EDC3: variants seen among roughly 807,000 people sequenced by gnomAD.
EDC3 encodes enhancer of mRNA-decapping protein 3.
Under a neutral mutation model 41.8 loss-of-function variants are expected in EDC3, and 20 were observed. That is an observed-to-expected ratio of 0.48 (90% CI 0.34 to 0.70). The LOEUF (loss-of-function observed/expected upper bound fraction) is 0.70, where lower values mean the gene tolerates loss of function less well. EDC3 is among the 30% of genes least tolerant of loss of function. The pLI is 0.01. For synonymous variants in EDC3, 206 were observed against 243.2 expected (o/e 0.85, Z 1.42); for missense variants, 444 against 636.8 (o/e 0.70, Z 3.26).
chr15:74,675,312 A>G (rs2062790899), intron 1 of EDC3, among the ~76,000 whole-genome samples, 170 bp from the exon 2 acceptor site: 2 of 152,098 alleles, frequency 1.3e-5, no homozygotes, highest in Admixed American at 1.3e-4. Context: ...TTTCAGGAGT[A>G]TGAATATTAA....
chr15:74,662,635 TG>T (rs1485848577), intron 3 of EDC3, among the ~76,000 whole-genome samples: 1 of 152,052 alleles, frequency 6.6e-6, no homozygotes, highest in African/African-American at 2.4e-5. Context: ...AGGGCTTCAG[TG>T]GAAAAACTTC....
At chr15:74,661,069 A>G (rs1301725731) in intron 3 of EDC3, among the ~76,000 whole-genome samples, 1 of 152,244 alleles carries the variant, frequency 6.6e-6, no homozygotes. Context: ...AACCATGCCA[A>G]TTTTTAACTA....
intron 2 of EDC3, 33 bp downstream of exon 2, chr15:74,674,928 G>C (rs759451597): frequency 1.2e-6 from 2 of 1,612,548 alleles, no homozygotes; most frequent in Non-Finnish European, 1.7e-6. Flanking sequence ...AGACCACCAG[G>C]TTGGATTCAG....
In EDC3 at chr15:74,632,265, C is replaced by A; in HGVS notation, c.*347G>T. 1 of 323,490 alleles carries A rather than the reference C, an allele frequency of 3.1e-6. No homozygotes were observed. Among genetic ancestry groups the A allele is most frequent in the Non-Finnish European group, 5.8e-6 (1 of 171,022 alleles). The allele number at this position is 323,490 out of a possible 1,614,324, so 20.0% of individuals were successfully genotyped here. ...AGGCCCCCAGACAGGACCTGGCCCA[C>A]TCTTCAATGTGTGTGCCCAGGCCCA... On this transcript the variant is annotated 3_prime_UTR_variant, in exon 7 of 7. Coordinates refer to ENST00000315127, the MANE Select transcript of EDC3 (RefSeq NM_025083.5). The surrounding 1 kb of genome is among the most constrained non-coding windows in gnomAD (Gnocchi z 4.0).
chr15:74,673,764 C>T (rs540503304), intron 2 of EDC3, among the ~76,000 whole-genome samples: 4 of 149,790 alleles, frequency 2.7e-5, no homozygotes, highest in South Asian at 4.2e-4. Context: ...GGCATGAACC[C>T]GGGAGATGGA....
chr15:74,691,068 C>A (rs192452262), intron 1 of EDC3, among the ~76,000 whole-genome samples: 59 of 150,094 alleles, frequency 3.9e-4, no homozygotes, highest in Non-Finnish European at 7.1e-4. Context: ...TGTTGGGAGG[C>A]GGAGGTTGCA....
chr15:74,663,829 T>TGTTG (rs2062649252), intron 3 of EDC3, among the ~76,000 whole-genome samples: 1 of 152,088 alleles, frequency 6.6e-6, no homozygotes, highest in African/African-American at 2.4e-5. Flanking sequence ...GTTCACAGCA[T>TGTTG]GTTGACAAAG....
chr15:74,675,189 C>T, intron 1 of EDC3, 47 bp from the exon 2 acceptor site: 1 of 1,567,190 alleles, frequency 6.4e-7, no homozygotes, highest in Non-Finnish European at 8.7e-7. Flanking sequence ...AAAAGACAAA[C>T]TTTTAATTAA....
At position 74,640,589 on chromosome 15, in the gene EDC3, T is replaced by C. The variant is rs527562998; in HGVS notation, c.851A>G (p.Tyr284Cys). 9.9e-6 allele frequency: 16 copies of C among 1,614,108 alleles called. No homozygotes were observed. The highest frequency in any genetic ancestry group is 6.7e-5 in the African/African-American group (5 of 75,004). ...DSGLVVPSIS[Y>C]ELHKKLLSVA... Reference sequence around the variant, plus strand: ...GGACAACAGCTTTTTATGCAGCTCATAGGAAATACTTGGGACAACCAGGCC... The same window carrying C: ...GGACAACAGCTTTTTATGCAGCTCACAGGAAATACTTGGGACAACCAGGCC... The change falls in exon 5 of 7, where the codon TAT (tyrosine) becomes TGT (cysteine). Residue 284 changes from tyrosine to cysteine, a missense_variant. Around this residue, in one of 3 missense-constraint regions of EDC3, gnomAD observed 242 missense variants for 363.8 expected, o/e 0.67. Coordinates refer to ENST00000315127, the MANE Select transcript of EDC3 (RefSeq NM_025083.5).
In EDC3 at chr15:74,635,589, C is replaced by T. The variant is rs1298704926; in HGVS notation, c.1012G>A (p.Ala338Thr). The T allele has an allele frequency of 1.9e-6, 3 of 1,613,940 alleles. No homozygotes were observed. In the East Asian group the frequency reaches 6.7e-5, roughly 36 times the overall value. Reference protein sequence around the residue: ...PKNVHQRPTVALLCGPHVKGA... With the variant: ...PKNVHQRPTVTLLCGPHVKGA... ...TTCACATGAGGTCCACACAGTAGAG[C>T]CACTGTAGGCCTCTGGTGAACATTT... is the stretch of plus-strand genomic sequence containing the variant. The change falls in exon 6 of 7, where the codon GCT becomes ACT. Residue 338 changes from alanine to threonine, a missense_variant. Ala to Thr is a moderately conservative substitution (Grantham distance 58). Coordinates refer to ENST00000315127, the MANE Select transcript of EDC3 (RefSeq NM_025083.5).
At position 74,655,899 on chromosome 15, in the gene EDC3, C is replaced by T. The variant is rs2062542414; in HGVS notation, c.654G>A (p.Val218=). 1.2e-6 allele frequency: 2 copies of T among 1,614,118 alleles called. No homozygotes were observed. The highest frequency in any genetic ancestry group is 1.7e-6 in the Non-Finnish European group (2 of 1,180,024). Residue 218 remains valine, a synonymous_variant, in exon 4 of 7, where the codon GTG becomes GTA. Transcript: ENST00000315127. ...GNLALFDKAA[V]FEEIDTYERR... The stretch of plus-strand genomic sequence containing the variant: ...TTTCATAGGTATCAATCTCCTCAAA[C>T]ACAGCTGCCTTGTCAAAAAGAGCCA...
At chr15:74,652,217 TTCTTA>T (rs1323188495) in intron 4 of EDC3, among the ~76,000 whole-genome samples, 1 of 152,002 alleles carries the variant, frequency 6.6e-6, no homozygotes, top group Middle Eastern at 3.2e-3. Context: ...TGCCCTTCTC[TTCTTA>T]TATTTTTCCT....
chr15:74,674,212 T>C (rs548602191), intron 2 of EDC3, among the ~76,000 whole-genome samples: 2 of 152,304 alleles, frequency 1.3e-5, no homozygotes, highest in African/African-American at 4.8e-5. Context: ...TCAAGTGATC[T>C]TCCTGTCTGA....
intron 5 of EDC3, chr15:74,636,058 G>A (rs1292065474): frequency 5.8e-6 from 1 of 171,480 alleles, no homozygotes; most frequent in Non-Finnish European, 1.3e-5. Flanking sequence ...TGCCCAGAAA[G>A]CCTTTCACTT....
intron 3 of EDC3, among the ~76,000 whole-genome samples, chr15:74,659,571 T>C (rs1456987115): frequency 6.7e-6 from 1 of 150,128 alleles, no homozygotes; most frequent in African/African-American, 2.5e-5. Flanking sequence ...TAAAGTGCCA[T>C]AGAAATATGG....
At chr15:74,666,276 C>A (rs886901795) in intron 3 of EDC3, among the ~76,000 whole-genome samples, 1 of 152,114 alleles carries the variant, frequency 6.6e-6, no homozygotes, top group Non-Finnish European at 1.5e-5. Flanking sequence ...CATTCCCAGG[C>A]CACAAACATT....
At chr15:74,649,866 G>A (rs1317448077) in intron 4 of EDC3, among the ~76,000 whole-genome samples, 1 of 150,950 alleles carries the variant, frequency 6.6e-6, no homozygotes, top group South Asian at 2.1e-4. Context: ...AAAAAGGGGG[G>A]GGGGGTCACA....
intron 1 of EDC3, among the ~76,000 whole-genome samples, chr15:74,675,750 G>T (rs956325879): frequency 6.6e-6 from 1 of 151,558 alleles, no homozygotes; most frequent in Non-Finnish European, 1.5e-5. Flanking sequence ...GCGTGGTGGC[G>T]GGTGCCTGTA....
intron 4 of EDC3, among the ~76,000 whole-genome samples, chr15:74,654,305 C>T (rs938147640): frequency 7.9e-5 from 12 of 151,466 alleles, no homozygotes; most frequent in South Asian, 4.2e-4. Context: ...GGAAATCACA[C>T]GCTGCATAAA....
Sources: gnomAD v4.1 joint callset for allele counts (sites outside exome capture counted in the v4.1 genomes callset) on GRCh38, gnomAD v4.1.1 for gene constraint, gnomAD v4.1.1 regional missense constraint, Gnocchi (gnomAD v3.1) non-coding constraint, MANE v1.5 for transcripts, NCBI Gene and HGNC (gene_info 2026-07-23, HGNC 2026-07-21) for gene names.